Variants in GLIS3 observed in about 807,000 individuals in gnomAD.
GLIS3 encodes the protein zinc finger protein GLIS3.
In GLIS3, 53 loss-of-function variants were observed where a neutral mutation model predicts 78.6. That is an observed-to-expected ratio of 0.67 (90% CI 0.54 to 0.85). The LOEUF (loss-of-function observed/expected upper bound fraction) is 0.85, where lower values mean the gene tolerates loss of function less well. Among genes scored for constraint, GLIS3 ranks in the 40% least tolerant of loss-of-function variants. GLIS3 has a pLI of 0.00. For synonymous variants in GLIS3, 684 were observed against 509.9 expected, an observed-to-expected ratio of 1.34 and a Z score of -4.60; for missense variants, 1,703 against 1,231.1, an observed-to-expected ratio of 1.38 and a Z score of -5.74.
intron 4 of GLIS3, among the ~76,000 whole-genome samples, chr9:4,083,104 C>T (rs182400928): frequency 3.3e-5 from 5 of 152,054 alleles, no homozygotes; most frequent in Admixed American, 3.3e-4. Context: ...AATAAGGGAA[C>T]AGAAATTTGA....
In GLIS3 at chr9:3,943,122, A is replaced by T. The variant is rs55753544; in HGVS notation, c.1711-5933T>A. Reference sequence around the variant, plus strand: ...CCTTCGATGGACTTCGCATTTGGACATACGGGTCACCTCATGCCACTCTGG... The same window carrying T: ...CCTTCGATGGACTTCGCATTTGGACTTACGGGTCACCTCATGCCACTCTGG... On this transcript the variant is annotated intron_variant, in intron 4 of 10. Coordinates refer to ENST00000381971, the MANE Select transcript of GLIS3 (RefSeq NM_001042413.2). 4.3e-3 allele frequency among the ~76,000 whole-genome samples: 661 copies of T among 152,316 alleles called. 1 individual carries two copies. The highest frequency in any genetic ancestry group is 6.6e-3 in the Non-Finnish European group (452 of 68,020).
chr9:3,992,789 G>C (rs909605391), intron 4 of GLIS3, among the ~76,000 whole-genome samples: 1 of 152,182 alleles, frequency 6.6e-6, no homozygotes, highest in Non-Finnish European at 1.5e-5. Flanking sequence ...GAAAACAAAA[G>C]ATCAGACAGT....
the GLIS3 span, among the ~76,000 whole-genome samples, chr9:4,356,665 G>C: frequency 1.3e-4 from 20 of 152,342 alleles, no homozygotes; most frequent in Admixed American, 2.6e-4. Context: ...TTTACAAAGA[G>C]TATGTGATCA....
At chr9:4,196,049 T>C (rs1025441434) in intron 2 of GLIS3, among the ~76,000 whole-genome samples, 1 of 152,114 alleles carries the variant, frequency 6.6e-6, no homozygotes. Context: ...CTTTTATGTC[T>C]AGCTAAAGGA....
intron 4 of GLIS3, among the ~76,000 whole-genome samples, chr9:4,103,059 A>G (rs1830491596): frequency 6.6e-6 from 1 of 152,210 alleles, no homozygotes; most frequent in South Asian, 2.1e-4. Context: ...GCTGGAGCCA[A>G]TGAAGTTTTA....
At chr9:4,422,977 C>A in the GLIS3 span, among the ~76,000 whole-genome samples, 1 of 152,162 alleles carries the variant, frequency 6.6e-6, no homozygotes, top group Admixed American at 6.5e-5. Context: ...AGAAGCACAT[C>A]ACAGGAGTCA....
chr9:4,010,713 A>C (rs1821933547), intron 4 of GLIS3, among the ~76,000 whole-genome samples: 2 of 152,164 alleles, frequency 1.3e-5, no homozygotes, highest in South Asian at 4.1e-4. Flanking sequence ...AGAAAGCCAG[A>C]TACAGTTTTC....
intron 2 of GLIS3, chr9:4,285,713 C>A (rs1587308304): frequency 2.0e-5 from 7 of 350,700 alleles, no homozygotes; most frequent in East Asian, 1.3e-4. Flanking sequence ...CTACCTGTAT[C>A]CGGAGGGCAT....
the GLIS3 span, among the ~76,000 whole-genome samples, chr9:4,475,014 G>A: frequency 2.6e-5 from 2 of 76,006 alleles, no homozygotes; most frequent in African/African-American, 1.5e-4. Context: ...TTTTTTTTGA[G>A]ACGTAGTCTT....
intron 2 of GLIS3, among the ~76,000 whole-genome samples, chr9:4,273,689 T>C (rs1053085206): frequency 6.6e-6 from 1 of 151,382 alleles, no homozygotes; most frequent in African/African-American, 2.5e-5. Context: ...TGCCATTTTC[T>C]GTTCCACCAT....
chr9:3,956,997 C>T (rs1247645158), intron 4 of GLIS3, among the ~76,000 whole-genome samples: 1 of 152,196 alleles, frequency 6.6e-6, no homozygotes, highest in Non-Finnish European at 1.5e-5. Flanking sequence ...AGAACTTGCC[C>T]TGGAACTCGC....
chr9:4,261,954 G>C (rs1563853653), intron 2 of GLIS3, among the ~76,000 whole-genome samples: 1 of 152,196 alleles, frequency 6.6e-6, no homozygotes, highest in Non-Finnish European at 1.5e-5. Context: ...GCAGATGCAG[G>C]GGGTCCCCAT....
chr9:3,940,983 G>A (rs915490669), intron 4 of GLIS3, among the ~76,000 whole-genome samples: 2 of 152,290 alleles, frequency 1.3e-5, no homozygotes, highest in Non-Finnish European at 1.5e-5. Context: ...CGCTGGCATC[G>A]CCTGGGAACT....
At chr9:4,141,554 G>C (rs557582945) in intron 2 of GLIS3, among the ~76,000 whole-genome samples, 2 of 152,120 alleles carry the variant, frequency 1.3e-5, no homozygotes, top group African/African-American at 4.8e-5. Flanking sequence ...AGTGTATCAG[G>C]CCACCCCAAC....
chr9:4,030,780 AG>A (rs1405943236), intron 4 of GLIS3, among the ~76,000 whole-genome samples: 4 of 152,212 alleles, frequency 2.6e-5, no homozygotes, highest in African/African-American at 9.7e-5. Context: ...CAAAGAGTAC[AG>A]GACACCAGGA....
chr9:3,912,888 G>A (rs542044937), intron 6 of GLIS3, among the ~76,000 whole-genome samples: 19 of 152,322 alleles, frequency 1.2e-4, no homozygotes, highest in African/African-American at 3.8e-4. Context: ...GCAAGATGAA[G>A]GGTTTACTTT....
chr9:4,276,478 G>GAA (rs1827023638), intron 2 of GLIS3, among the ~76,000 whole-genome samples: 1 of 28,406 alleles, frequency 3.5e-5, no homozygotes. Flanking sequence ...GGACGGGAGG[G>GAA]GAGGGAAGGG....
At chr9:4,100,715 G>C (rs1830307027) in intron 4 of GLIS3, among the ~76,000 whole-genome samples, 1 of 152,000 alleles carries the variant, frequency 6.6e-6, no homozygotes, top group Non-Finnish European at 1.5e-5. Context: ...TGTTCTAAGT[G>C]GTATAATATT....
chr9:4,212,091 G>A (rs532904584), intron 2 of GLIS3, among the ~76,000 whole-genome samples: 1 of 152,344 alleles, frequency 6.6e-6, no homozygotes, highest in South Asian at 2.1e-4. Context: ...GGTCATGGTT[G>A]CACAATTTGG....
Sources: gnomAD v4.1 joint callset for allele counts (sites outside exome capture counted in the v4.1 genomes callset) on GRCh38, gnomAD v4.1.1 for gene constraint, MANE v1.5 for transcripts, NCBI Gene and HGNC (gene_info 2026-07-23, HGNC 2026-07-21) for gene names.